Variants in LOC128462377 observed in about 807,000 individuals in gnomAD.
At chr16:89,402,870 C>T in the LOC128462377 span, among the ~76,000 whole-genome samples, 3 of 151,890 alleles carry the variant, frequency 2.0e-5, no homozygotes, top group African/African-American at 7.2e-5. Flanking sequence ...TGCAGACCCT[C>T]CAGGCTCTCC....
the LOC128462377 span, among the ~76,000 whole-genome samples, chr16:89,376,757 A>C: frequency 1.3e-5 from 2 of 152,200 alleles, no homozygotes; most frequent in Non-Finnish European, 1.5e-5. Flanking sequence ...ACAGGTTTTG[A>C]ATGCAGGTGA....
At chr16:89,336,475 G>A in the LOC128462377 span, among the ~76,000 whole-genome samples, 1 of 152,234 alleles carries the variant, frequency 6.6e-6, no homozygotes, top group Non-Finnish European at 1.5e-5. Flanking sequence ...GGGGCCAGAC[G>A]GAGTCCAGGA....
chr16:89,334,143 TTAAA>T, the LOC128462377 span, among the ~76,000 whole-genome samples: 8 of 80,406 alleles, frequency 9.9e-5, no homozygotes, highest in African/African-American at 6.0e-4. Flanking sequence ...ACCCTGTGTT[TTAAA>T]AAAAAAAAAA....
chr16:89,386,929 C>T, the LOC128462377 span, among the ~76,000 whole-genome samples: 1 of 152,112 alleles, frequency 6.6e-6, no homozygotes, highest in Admixed American at 6.5e-5. Flanking sequence ...CCTCGACCAC[C>T]GAGTCAAGGG....
the LOC128462377 span, among the ~76,000 whole-genome samples, chr16:89,393,354 G>A: frequency 6.7e-5 from 10 of 148,482 alleles, no homozygotes; most frequent in Admixed American, 2.0e-4. Flanking sequence ...TCTGTAGTGC[G>A]AGACCACTCA....
chr16:89,320,552 C>T, the LOC128462377 span, among the ~76,000 whole-genome samples: 6 of 152,328 alleles, frequency 3.9e-5, no homozygotes, highest in East Asian at 5.8e-4. Flanking sequence ...TTCCTTGTTA[C>T]TTCACCTCCT....
At chr16:89,372,034 C>G in the LOC128462377 span, among the ~76,000 whole-genome samples, 88 of 152,332 alleles carry the variant, frequency 5.8e-4, no homozygotes, top group South Asian at 0.016. Context: ...GAAGCCAGGA[C>G]TGAGCACTCA....
chr16:89,385,621 C>T, the LOC128462377 span, among the ~76,000 whole-genome samples: 1 of 152,218 alleles, frequency 6.6e-6, no homozygotes, highest in Non-Finnish European at 1.5e-5. Context: ...ACAACACACT[C>T]ACGATGATGC....
chr16:89,376,635 C>A, the LOC128462377 span, among the ~76,000 whole-genome samples: 31 of 152,166 alleles, frequency 2.0e-4, no homozygotes, highest in Non-Finnish European at 3.5e-4. Context: ...ACGAGGGTTT[C>A]ACCATGTTGG....
the LOC128462377 span, among the ~76,000 whole-genome samples, chr16:89,368,371 GTTTTTTTTTTTTTTTTTTT>G: frequency 1.4e-3 from 81 of 56,598 alleles, no homozygotes; most frequent in African/African-American, 3.8e-3. Context: ...TAATTTTTGT[GTTTTTTTTTTTTTTTTTTT>G]TTTTTTTTTT....
chr16:89,410,831 G>C, the LOC128462377 span, among the ~76,000 whole-genome samples: 5 of 152,236 alleles, frequency 3.3e-5, no homozygotes, highest in African/African-American at 1.2e-4. Context: ...GAAGGGGGTG[G>C]GGAGTGGCCA....
chr16:89,340,343 T>C, the LOC128462377 span, among the ~76,000 whole-genome samples: 1 of 152,256 alleles, frequency 6.6e-6, no homozygotes, highest in Non-Finnish European at 1.5e-5. Context: ...AGTGGCACCA[T>C]CTCGGCTCAC....
At chr16:89,415,555 C>T in the LOC128462377 span, among the ~76,000 whole-genome samples, 1 of 151,752 alleles carries the variant, frequency 6.6e-6, no homozygotes, top group South Asian at 2.1e-4. Flanking sequence ...TGAGCCACTG[C>T]GCCCGGCAAG....
At chr16:89,318,956 A>G in the LOC128462377 span, among the ~76,000 whole-genome samples, 5 of 152,166 alleles carry the variant, frequency 3.3e-5, no homozygotes, top group Non-Finnish European at 7.3e-5. Context: ...TTTCCACCAC[A>G]AAACCGGAAT....
the LOC128462377 span, among the ~76,000 whole-genome samples, chr16:89,333,630 G>C: frequency 6.6e-6 from 1 of 152,186 alleles, no homozygotes; most frequent in African/African-American, 2.4e-5. Context: ...GTAGTCCTTG[G>C]AGACGGGCTG....
At chr16:89,351,224 G>A in the LOC128462377 span, among the ~76,000 whole-genome samples, 725 of 152,304 alleles carry the variant, frequency 4.8e-3, 5 homozygotes, top group African/African-American at 0.017. Flanking sequence ...GCATGGGCGA[G>A]GGGTTCCACG....
chr16:89,407,920 T>C, the LOC128462377 span, among the ~76,000 whole-genome samples: 3 of 150,894 alleles, frequency 2.0e-5, no homozygotes, highest in East Asian at 1.9e-4. Context: ...TAAAACTCAG[T>C]CTTCCATTAA....
chr16:89,320,701 G>A, the LOC128462377 span, among the ~76,000 whole-genome samples: 1 of 152,234 alleles, frequency 6.6e-6, no homozygotes, highest in Non-Finnish European at 1.5e-5. Context: ...CAGGGAACTT[G>A]CCCATTACCT....
chr16:89,359,105 A>T, the LOC128462377 span, among the ~76,000 whole-genome samples: 37 of 152,160 alleles, frequency 2.4e-4, no homozygotes, highest in Admixed American at 3.9e-4. Context: ...AATATTCCAA[A>T]ATATATAAAA....
Sources: gnomAD v4.1 joint callset for allele counts (sites outside exome capture counted in the v4.1 genomes callset) on GRCh38, gnomAD v4.1.1 for gene constraint, MANE v1.5 for transcripts.